LIN37: variants seen among roughly 807,000 people sequenced by gnomAD.
LIN37 encodes lin-37 DREAM MuvB core complex component.
Under a neutral mutation model 38.0 loss-of-function variants are expected in LIN37, and 21 were observed. That is an observed-to-expected ratio of 0.55 (90% CI 0.39 to 0.80). The LOEUF (loss-of-function observed/expected upper bound fraction) is 0.80, where lower values mean the gene tolerates loss of function less well. LIN37 is among the 30% of genes least tolerant of loss of function. LIN37 has a pLI of 0.00. For missense variants in LIN37, 273 were observed against 338.5 expected (o/e 0.81, Z 1.52); for synonymous variants, 126 against 122.9 (o/e 1.03, Z -0.17).
Position 35,754,407 on chromosome 19 carries a change from C to T in LIN37, c.674C>T (p.Ser225Phe). 6.2e-7 allele frequency: 1 copy of T among 1,614,052 alleles called. No individual in the cohort carries two copies. Among genetic ancestry groups the T allele is most frequent in the Non-Finnish European group, 8.5e-7 (1 of 1,179,888 alleles). The change falls in exon 9 of 9, where the codon TCT becomes TTT. Residue 225 changes from serine to phenylalanine, a missense_variant. Physicochemically the swap from Ser to Phe is radical, Grantham distance 155 (BLOSUM62 -2). Transcript: ENST00000301159. ...TGCCTCCCCAGGTGGAAGGAGGCCT[C>T]TCATCGGAACCAGCTTCGTTACTCA... ...KRIRQRWKEA[S>F]HRNQLRYSES...
At chr19:35,751,366 G>C (rs1421480576) in intron 1 of LIN37, among the ~76,000 whole-genome samples, 1 of 152,112 alleles carries the variant, frequency 6.6e-6, no homozygotes, top group Non-Finnish European at 1.5e-5. Flanking sequence ...TTATACCACT[G>C]CCTCAACCAG....
At position 35,752,168 on chromosome 19, in the gene LIN37, T is replaced by C; in HGVS notation, c.35-8T>C. 2 of 1,590,558 alleles carry C rather than the reference T, an allele frequency of 1.3e-6. No homozygotes were observed. Among genetic ancestry groups the C allele is most frequent in the Non-Finnish European group, 1.7e-6 (2 of 1,168,610 alleles). ...AGCTGACTCCTGCTGGGTCCTCTCT[T>C]GCCCCAGAGCTGGAGATGGCCAAAG... is the stretch of plus-strand genomic sequence containing the variant. On this transcript the variant is annotated splice_region_variant and splice_polypyrimidine_tract_variant and intron_variant, in intron 1 of 8. Coordinates refer to ENST00000301159, the MANE Select transcript of LIN37 (RefSeq NM_019104.3).
rs1167556055 is a variant in LIN37 at position 35,754,402 on chromosome 19, G to A, written c.669G>A (p.Glu223=). ...RWKRIRQRWK[E]ASHRNQLRYS... is the part of the protein sequence containing the mutation. Reference sequence around the variant, plus strand: ...CCCTCTGCCTCCCCAGGTGGAAGGAGGCCTCTCATCGGAACCAGCTTCGTT... The same window carrying A: ...CCCTCTGCCTCCCCAGGTGGAAGGAAGCCTCTCATCGGAACCAGCTTCGTT... Residue 223 remains glutamate, a synonymous_variant, in exon 9 of 9, where the codon GAG becomes GAA. Coordinates refer to ENST00000301159, the MANE Select transcript of LIN37 (RefSeq NM_019104.3). 2 of 1,613,932 alleles carry A rather than the reference G, an allele frequency of 1.2e-6. No individual in the cohort carries two copies. Among genetic ancestry groups the A allele is most frequent in the African/African-American group, 2.7e-5 (2 of 74,956 alleles).
Position 35,752,433 on chromosome 19 carries a change from GGGA to G in LIN37, c.112_114del (p.Glu38del), listed in dbSNP as rs979383533. 1.7e-5 allele frequency: 28 copies of G among 1,613,870 alleles called. No individual in the cohort carries two copies. Among genetic ancestry groups the G allele is most frequent in the Non-Finnish European group, 2.2e-5 (26 of 1,179,874 alleles). On this transcript the variant is annotated inframe_deletion and splice_region_variant, in exon 3 of 9. Transcript: ENST00000301159. ...AGCTGAGAGATCTCTTCTGCCTCTA[GGGA>G]GCGTCTGGATGAGGAAGCTGGGAAA...
At chr19:35,751,805 C>T (rs184016485) in intron 1 of LIN37, among the ~76,000 whole-genome samples, 24 of 152,280 alleles carry the variant, frequency 1.6e-4, no homozygotes, top group African/African-American at 5.1e-4. Context: ...TTTGGGAAGC[C>T]GAGATGGCTC....
intron 6 of LIN37, 43 bp downstream of exon 6, chr19:35,753,296 G>A (rs1402679106): frequency 1.3e-6 from 2 of 1,537,194 alleles, no homozygotes; most frequent in South Asian, 1.2e-5. Context: ...CTGGTGCCAG[G>A]GCAGTGGGTG....
intron 3 of LIN37, 92 bp downstream of exon 3, chr19:35,752,576 T>C (rs1021097043): frequency 5.5e-5 from 78 of 1,412,262 alleles, no homozygotes; most frequent in Non-Finnish European, 7.4e-5. Flanking sequence ...CAGCGCTACC[T>C]CCATCGTGGC....
chr19:35,749,023 A>C (rs759474945), intron 1 of LIN37: 11 of 1,265,734 alleles, frequency 8.7e-6, no homozygotes, highest in Non-Finnish European at 1.1e-5. Flanking sequence ...AACTCTGAGA[A>C]GGGCCCTTTT....
In LIN37 at chr19:35,754,137, C is replaced by A. The variant is rs899084382; in HGVS notation, c.565C>A (p.Gln189Lys). 2 of 1,613,884 alleles carry A rather than the reference C, an allele frequency of 1.2e-6. No homozygotes were observed. The highest frequency in any genetic ancestry group is 1.7e-5 in the Admixed American group (1 of 60,010). ...CCCATCTCCACTGCAGCCTGAGATG[C>A]AGGGCACCCCTGACGATGAGGTGAG... Reference protein sequence around the residue: ...RIPSPLQPEMQGTPDDEPSEP... With the variant: ...RIPSPLQPEMKGTPDDEPSEP... The change falls in exon 7 of 9, where the codon CAG becomes AAG. Residue 189 changes from glutamine to lysine, a missense_variant. Transcript: ENST00000301159.
chr19:35,748,742 G>A lies in LIN37; in HGVS notation c.18G>A (p.Val6=). 1 of 1,613,950 alleles carries A rather than the reference G, an allele frequency of 6.2e-7. No individual in the cohort carries two copies. The highest frequency in any genetic ancestry group is 8.5e-7 in the Non-Finnish European group (1 of 1,179,842). The stretch of plus-strand genomic sequence containing the variant: ...CCCAAACCATGTTCCCTGTGAAGGT[G>A]AAAGTGGAGAAATCAGGTGAGGACC... MFPVK[V]KVEKSELEMA... The change falls in exon 1 of 9, where the codon GTG becomes GTA. Residue 6 remains valine (V), a synonymous_variant. Coordinates refer to ENST00000301159, the MANE Select transcript of LIN37 (RefSeq NM_019104.3).
At chr19:35,749,305 T>C (rs893401337) in intron 1 of LIN37, among the ~76,000 whole-genome samples, 1 of 152,126 alleles carries the variant, frequency 6.6e-6, no homozygotes. Flanking sequence ...TCACAGTCAC[T>C]ATATTCCAGT....
rs374445863 is a variant in LIN37, at chr19:35,748,782, C to T, written c.34+24C>T. ...AGGTGAGGACCCTGACGTCGGGGGC[C>T]TGTCGGGACCATCGGGTTGACAGGG... On this transcript the variant is annotated intron_variant, in intron 1 of 8. Transcript: ENST00000301159. 1,325 of 1,613,796 alleles carry T rather than the reference C, an allele frequency of 8.2e-4. 2 individuals carry two copies. In the Middle Eastern group the frequency reaches 0.014, roughly 17 times the overall value.
At chr19:35,753,581 TGAG>T in intron 6 of LIN37, 1 of 516,124 alleles carries the variant, frequency 1.9e-6, no homozygotes, top group Non-Finnish European at 3.5e-6. Flanking sequence ...CACCAGGCCT[TGAG>T]GAGCAGGGGC....
chr19:35,753,604 A>C, intron 6 of LIN37: 1 of 498,430 alleles, frequency 2.0e-6, no homozygotes, highest in Non-Finnish European at 3.7e-6. Flanking sequence ...CTGGGCAGGA[A>C]TGGATGGGAG....
At position 35,748,742 on chromosome 19, in the gene LIN37, G is replaced by C. The variant is rs1188897286; in HGVS notation, c.18G>C (p.Val6=). 2 of 1,613,832 alleles carry C rather than the reference G, an allele frequency of 1.2e-6. No homozygotes were observed. Among genetic ancestry groups the C allele is most frequent in the African/African-American group, 2.7e-5 (2 of 74,944 alleles). ...CCCAAACCATGTTCCCTGTGAAGGT[G>C]AAAGTGGAGAAATCAGGTGAGGACC... MFPVK[V]KVEKSELEMA... The change falls in exon 1 of 9, where the codon GTG becomes GTC. Residue 6 remains valine, a synonymous_variant. Coordinates refer to ENST00000301159, the MANE Select transcript of LIN37 (RefSeq NM_019104.3).
intron 1 of LIN37, among the ~76,000 whole-genome samples, chr19:35,751,591 T>C (rs945096961): frequency 1.3e-5 from 2 of 152,142 alleles, no homozygotes; most frequent in Non-Finnish European, 2.9e-5. Flanking sequence ...CCCAGCTACT[T>C]GGGAGGCTGA....
At position 35,752,428 on chromosome 19, in the gene LIN37, C is replaced by T. The variant is rs745829370; in HGVS notation, c.111-6C>T. On this transcript the variant is annotated splice_region_variant and splice_polypyrimidine_tract_variant and intron_variant, in intron 2 of 8. Coordinates refer to ENST00000301159, the MANE Select transcript of LIN37 (RefSeq NM_019104.3). ...CCCTGAGCTGAGAGATCTCTTCTGC[C>T]TCTAGGGAGCGTCTGGATGAGGAAG... 6.2e-7 allele frequency: 1 copy of T among 1,613,958 alleles called. No individual in the cohort carries two copies. The highest frequency in any genetic ancestry group is 2.2e-5 in the East Asian group (1 of 44,880).
rs1970700742 is a variant in LIN37, at chr19:35,753,004, G to A, written c.277+5G>A. The A allele has an allele frequency of 1.1e-5, 17 of 1,569,704 alleles. No homozygotes were observed. Among genetic ancestry groups the A allele is most frequent in the Non-Finnish European group, 1.5e-5 (17 of 1,156,590 alleles). On this transcript the variant is annotated splice_donor_5th_base_variant and intron_variant, in intron 5 of 8. Transcript: ENST00000301159. ...AGGGAGGGCCGCAGCGATCCAGTGA[G>A]TAGACAGTGGCCCTAGAGGGTCGGT...
Position 35,748,590 on chromosome 19 carries a change from A to T in LIN37, c.-135A>T. 1 of 1,231,670 alleles carries T rather than the reference A, an allele frequency of 8.1e-7. No individual in the cohort carries two copies. The highest frequency in any genetic ancestry group is 1.2e-5 in the South Asian group (1 of 82,654). 76.3% of individuals were successfully genotyped at this position (1,231,670 alleles called of 1,614,324 possible). ...GGGTGGTGGCCACGGTCCAGGCTGG[A>T]CACAACCAAAGGCGGAGGACCCGTG... On this transcript the variant is annotated 5_prime_UTR_variant, in exon 1 of 9. Coordinates refer to ENST00000301159, the MANE Select transcript of LIN37 (RefSeq NM_019104.3).
Sources: allele counts gnomAD v4.1 joint callset (sites outside exome capture counted in the v4.1 genomes callset), GRCh38; gene constraint gnomAD v4.1.1; transcripts MANE v1.5; gene names NCBI Gene and HGNC (gene_info 2026-07-23, HGNC 2026-07-21).